Variants in DPP10 observed in about 807,000 individuals in gnomAD.
DPP10 encodes the protein dipeptidyl peptidase like 10, also known as inactive dipeptidyl peptidase 10.
In DPP10, 33 loss-of-function variants were observed where a neutral mutation model predicts 120.9. The ratio of observed to expected loss-of-function variants is 0.27; its 90% CI spans 0.21 to 0.37. The LOEUF (loss-of-function observed/expected upper bound fraction) is 0.37, where lower values mean the gene tolerates loss of function less well. Ranked by LOEUF, DPP10 falls within the 10% of genes least tolerant of loss-of-function variation. DPP10 has a pLI of 1.00. For synonymous variants in DPP10, 337 were observed against 326.1 expected (o/e 1.03, Z -0.36); for missense variants, 816 against 942.8 (o/e 0.87, Z 1.76).
At chr2:114,996,883 G>C (rs1329700760) in intron 1 of DPP10, among the ~76,000 whole-genome samples, 1 of 150,894 alleles carries the variant, frequency 6.6e-6, no homozygotes, top group Non-Finnish European at 1.5e-5. Flanking sequence ...TCGGGAGTCT[G>C]AGGCAGGAGA....
chr2:115,468,844 A>G (rs534873180), intron 3 of DPP10: 2 of 424,718 alleles, frequency 4.7e-6, no homozygotes, highest in South Asian at 1.9e-5. Flanking sequence ...GCTCTGCTGA[A>G]GACTGGAGCA....
At chr2:114,649,742 T>C (rs1002128461) in intron 1 of DPP10, among the ~76,000 whole-genome samples, 1 of 152,236 alleles carries the variant, frequency 6.6e-6, no homozygotes, top group Non-Finnish European at 1.5e-5. Flanking sequence ...TAGTATATAG[T>C]AGGGATCAAA....
chr2:114,915,933 C>T, intron 1 of DPP10, among the ~76,000 whole-genome samples: 1 of 151,778 alleles, frequency 6.6e-6, no homozygotes, highest in Middle Eastern at 3.2e-3. Flanking sequence ...TGTAGAGGAA[C>T]TAGAAAAACA....
intron 13 of DPP10, among the ~76,000 whole-genome samples, chr2:115,776,980 G>T (rs564769356): frequency 4.6e-5 from 7 of 152,114 alleles, no homozygotes; most frequent in Middle Eastern, 3.4e-3. Flanking sequence ...CCCTCACCTG[G>T]AGGAGTTTTC....
chr2:114,576,743 A>C (rs1690080469), intron 1 of DPP10, among the ~76,000 whole-genome samples: 1 of 152,188 alleles, frequency 6.6e-6, no homozygotes, highest in African/African-American at 2.4e-5. Context: ...GCCAACACTA[A>C]ACAAAAACAC....
At chr2:114,745,434 A>G (rs185604764) in intron 1 of DPP10, among the ~76,000 whole-genome samples, 389 of 152,362 alleles carry the variant, frequency 2.6e-3, no homozygotes, top group African/African-American at 9.0e-3. Context: ...TAAAAGGAAC[A>G]TATTATCAGA....
intron 1 of DPP10, among the ~76,000 whole-genome samples, chr2:114,755,975 A>C (rs960206234): frequency 6.6e-6 from 1 of 150,516 alleles, no homozygotes; most frequent in African/African-American, 2.4e-5. Flanking sequence ...AAAAGAAATT[A>C]AAACCTGATG....
intron 1 of DPP10, among the ~76,000 whole-genome samples, chr2:114,685,219 C>T (rs1039068257): frequency 6.6e-6 from 1 of 151,920 alleles, no homozygotes; most frequent in African/African-American, 2.4e-5. Flanking sequence ...CACCAACTCA[C>T]TCCTTCCAAC....
chr2:115,150,231 C>T (rs76320956), intron 1 of DPP10, among the ~76,000 whole-genome samples: 5,014 of 152,270 alleles, frequency 0.033, 80 homozygotes, highest in Non-Finnish European at 0.037. Context: ...AGTCATTCGC[C>T]TAGCACAAGC....
rs539120172 is a variant in DPP10 at position 115,452,975 on chromosome 2, C to T, written c.272-46535C>T. Among the ~76,000 whole-genome samples the T allele has an allele frequency of 5.3e-5, 8 of 151,762 alleles. No individual in the cohort carries two copies. The South Asian group carries it at 1.0e-3, about 20-fold the overall frequency. On this transcript the variant is annotated intron_variant, in intron 3 of 25. Transcript: ENST00000410059. Reference sequence around the variant, plus strand: ...TTACTTTTTTTCTTACCTTTCACTACGTAAGGATGAGCTTGGATTATTTAT... The same window carrying T: ...TTACTTTTTTTCTTACCTTTCACTATGTAAGGATGAGCTTGGATTATTTAT...
chr2:115,063,430 T>C (rs1262750881), intron 1 of DPP10, among the ~76,000 whole-genome samples: 1 of 152,128 alleles, frequency 6.6e-6, no homozygotes, highest in Non-Finnish European at 1.5e-5. Flanking sequence ...TTGTTTCAAT[T>C]GTTACCAAAA....
chr2:115,244,816 T>TATATATATATGTATGCACATATATATAC (rs2058459034), intron 1 of DPP10, among the ~76,000 whole-genome samples: 3 of 148,210 alleles, frequency 2.0e-5, no homozygotes, highest in African/African-American at 7.5e-5. Flanking sequence ...TATACATGTG[T>TATATATATATGTATGCACATATATATAC]ATATATATAT....
chr2:115,754,848 C>G (rs1679197307), intron 11 of DPP10, among the ~76,000 whole-genome samples: 1 of 152,030 alleles, frequency 6.6e-6, no homozygotes, highest in Non-Finnish European at 1.5e-5. Context: ...TGATGGATAT[C>G]TTAAATACAC....
At chr2:114,855,464 G>A (rs1338598157) in intron 1 of DPP10, among the ~76,000 whole-genome samples, 1 of 152,048 alleles carries the variant, frequency 6.6e-6, no homozygotes, top group African/African-American at 2.4e-5. Flanking sequence ...AACCCCTGTG[G>A]CAGTTCGAAT....
chr2:115,580,212 T>G (rs2149123744), intron 5 of DPP10: 1 of 152,358 alleles, frequency 6.6e-6, no homozygotes, highest in Middle Eastern at 3.4e-3. Flanking sequence ...TAGCATTTTC[T>G]TATGGGGGAA....
intron 13 of DPP10, among the ~76,000 whole-genome samples, chr2:115,774,803 G>T (rs1181993600): frequency 6.6e-6 from 1 of 152,096 alleles, no homozygotes; most frequent in Non-Finnish European, 1.5e-5. Flanking sequence ...GTACACATGT[G>T]CAGTAAAGTA....
chr2:115,013,053 T>C (rs1336535814), intron 1 of DPP10, among the ~76,000 whole-genome samples: 1 of 152,210 alleles, frequency 6.6e-6, no homozygotes, highest in Non-Finnish European at 1.5e-5. Context: ...GCTGCCTGGT[T>C]ATTTTGCCCA....
At chr2:114,723,913 A>G (rs977826470) in intron 1 of DPP10, among the ~76,000 whole-genome samples, 2 of 152,244 alleles carry the variant, frequency 1.3e-5, no homozygotes, top group African/African-American at 4.8e-5. Context: ...CACAGACTTC[A>G]GCCCATAGGT....
intron 5 of DPP10, among the ~76,000 whole-genome samples, chr2:115,583,544 G>A (rs1435449202): frequency 6.6e-6 from 1 of 152,116 alleles, no homozygotes; most frequent in African/African-American, 2.4e-5. Context: ...GACACATGTG[G>A]CCTTTGTGAT....
Sources: allele counts gnomAD v4.1 joint callset (sites outside exome capture counted in the v4.1 genomes callset), GRCh38; gene constraint gnomAD v4.1.1; transcripts MANE v1.5; gene names NCBI Gene and HGNC (gene_info 2026-07-23, HGNC 2026-07-21).